CFAP46: variants seen among roughly 807,000 people sequenced by gnomAD.
CFAP46 encodes cilia- and flagella-associated protein 46.
In CFAP46, 245 loss-of-function variants were observed where a neutral mutation model predicts 325.7. The ratio of observed to expected loss-of-function variants is 0.75; its 90% CI spans 0.68 to 0.84. The LOEUF (loss-of-function observed/expected upper bound fraction) is 0.84, where lower values mean the gene tolerates loss of function less well. CFAP46 is among the 40% of genes least tolerant of loss of function. CFAP46 has a pLI of 0.00. For synonymous variants in CFAP46, 1,523 were observed against 1,495.9 expected (o/e 1.02, Z -0.42); for missense variants, 3,346 against 3,543.0 (o/e 0.94, Z 1.41).
At chr10:132,883,392 G>T (rs1326328581) in intron 27 of CFAP46, among the ~76,000 whole-genome samples, 2 of 152,208 alleles carry the variant, frequency 1.3e-5, no homozygotes, top group Non-Finnish European at 2.9e-5. Context: ...CATCATCAGT[G>T]GCTGGGAAAA....
chr10:132,920,640 C>T (rs997665623), intron 13 of CFAP46, among the ~76,000 whole-genome samples: 1 of 152,246 alleles, frequency 6.6e-6, no homozygotes, highest in Non-Finnish European at 1.5e-5. Context: ...CGGAACTCAG[C>T]TCCACACCCT....
rs1285144710 is a variant in CFAP46 at position 132,922,159 on chromosome 10, C to T, written c.1551G>A (p.Leu517=). The T allele has an allele frequency of 4.5e-6, 7 of 1,550,470 alleles. No individual in the cohort carries two copies. In the South Asian group the frequency reaches 8.3e-5, roughly 18 times the overall value. The change falls in exon 13 of 58, where the codon CTG becomes CTA. Residue 517 remains leucine (L), a synonymous_variant. Coordinates refer to ENST00000368586, the MANE Select transcript of CFAP46 (RefSeq NM_001200049.3). The part of the protein sequence containing the change: ...KKRALLVNAG[L]ALAPDAFQIV... ...TCTGAAACGCGTCAGGGGCTAAGGC[C>T]AGGCCTGCATTCACCAGGAGGGCCC...
chr10:132,919,500 T>C lies in CFAP46; in HGVS notation c.1731-58A>G. On this transcript the variant is annotated intron_variant, in intron 14 of 57. Transcript: ENST00000368586. This position sits in a 1 kb window ranked among gnomAD's most constrained non-coding sequence, Gnocchi z 9.7. ...GAGTAGACAAGTGTGGTTGCTGAAG[T>C]TAGAAAACACCTGGGCTGGCTGCCT... The C allele has an allele frequency of 6.6e-7, 1 of 1,504,420 alleles. No individual in the cohort carries two copies. Among genetic ancestry groups the C allele is most frequent in the Non-Finnish European group, 8.9e-7 (1 of 1,125,004 alleles). 93.2% of individuals were successfully genotyped at this position (1,504,420 alleles called of 1,614,324 possible). A position where few individuals can be genotyped will look rare whatever the true frequency, so the allele number is the denominator to read the frequency against.
chr10:132,898,809 C>T (rs1297660217), intron 24 of CFAP46, 150 bp downstream of exon 24: 4 of 1,108,690 alleles, frequency 3.6e-6, no homozygotes, highest in Non-Finnish European at 4.0e-6. Flanking sequence ...TGGAGACCCC[C>T]CTTAACCCCC....
rs1849644897 is a variant in CFAP46 at position 132,916,685 on chromosome 10, G to C, written c.1987-3C>G. 2.0e-6 allele frequency: 3 copies of C among 1,463,564 alleles called. No homozygotes were observed. The highest frequency in any genetic ancestry group is 1.8e-6 in the Non-Finnish European group (2 of 1,101,354). 90.7% of individuals were successfully genotyped at this position (1,463,564 alleles called of 1,614,324 possible). A position where few individuals can be genotyped will look rare whatever the true frequency, so the allele number is the denominator to read the frequency against. ...GACCGCAGCAAATGAACCGTGGCCTGCAAAACACACATGCGGTGGGAGGGG... is the reference window on the plus strand; with the variant it reads ...GACCGCAGCAAATGAACCGTGGCCTCCAAAACACACATGCGGTGGGAGGGG... On this transcript the variant is annotated splice_polypyrimidine_tract_variant and splice_region_variant and intron_variant, in intron 16 of 57. Coordinates refer to ENST00000368586, the MANE Select transcript of CFAP46 (RefSeq NM_001200049.3).
rs368506695 is a variant in CFAP46 at position 132,857,683 on chromosome 10, G to A, written c.5481C>T (p.His1827=). ...CCAGGCCATATAAGCCCTGGATGCT[G>A]TGAAGCCTCCCTTCTTCCTCAGCTA... ...GAVAEEEGRL[H]SIQGLYGLAQ... is the part of the protein sequence containing the mutation. The change falls in exon 39 of 58, where the codon CAC becomes CAT. Residue 1827 remains histidine, a synonymous_variant. Coordinates refer to ENST00000368586, the MANE Select transcript of CFAP46 (RefSeq NM_001200049.3). The A allele has an allele frequency of 1.2e-6, 2 of 1,613,712 alleles. No homozygotes were observed. Among genetic ancestry groups the A allele is most frequent in the Non-Finnish European group, 1.7e-6 (2 of 1,179,966 alleles).
intron 43 of CFAP46, 45 bp from the exon 44 acceptor site, chr10:132,846,272 C>A: frequency 6.3e-7 from 1 of 1,592,100 alleles, no homozygotes; most frequent in Non-Finnish European, 8.5e-7. Flanking sequence ...GAGGCCTGGG[C>A]GGGGAGGCCT....
intron 43 of CFAP46, 143 bp downstream of exon 43, chr10:132,846,788 CG>C: frequency 9.8e-7 from 1 of 1,016,796 alleles, no homozygotes; most frequent in Non-Finnish European, 1.4e-6. Context: ...TTTACGTGGC[CG>C]GCAGGCTCCC....
chr10:132,845,945 G>T, intron 44 of CFAP46, 112 bp downstream of exon 44: 2 of 1,212,984 alleles, frequency 1.6e-6, no homozygotes, highest in Non-Finnish European at 2.3e-6. Flanking sequence ...TGGCTCATGA[G>T]CTGGGGGGTG....
chr10:132,934,692 C>T, intron 8 of CFAP46, 60 bp downstream of exon 8: 1 of 1,143,488 alleles, frequency 8.7e-7, no homozygotes. Flanking sequence ...TTTTTCAGTG[C>T]CTGCTAAATT....
chr10:132,908,599 G>A lies in CFAP46; in HGVS notation c.2793C>T (p.Asp931=), dbSNP rs966972761. 6.5e-7 allele frequency: 1 copy of A among 1,547,724 alleles called. No homozygotes were observed. Among genetic ancestry groups the A allele is most frequent in the Non-Finnish European group, 8.7e-7 (1 of 1,145,264 alleles). ...TCAGGGTCTGCAGCTCCACCAGGGG[G>A]TCCGACCAGTTGCACTCGGAAGCCA... is the stretch of plus-strand genomic sequence containing the variant. The part of the protein sequence containing the change: ...VKMASECNWS[D]PLVELQTLTR... The change falls in exon 22 of 58, where the codon GAC becomes GAT. Residue 931 remains aspartate (D), a synonymous_variant. Coordinates refer to ENST00000368586, the MANE Select transcript of CFAP46 (RefSeq NM_001200049.3).
Position 132,851,869 on chromosome 10 carries a change from GGAATTCTCAGATCCTGATCC to G in CFAP46, c.5575-584_5575-565del, listed in dbSNP as rs1564778284. ...CGTGGTATGTTCCTCCATTTACTTA[GGAATTCTCAGATCCTGATCC>G]ACAGACGTGGTATGTTCCTCCATTT... is the stretch of plus-strand genomic sequence containing the variant. On this transcript the variant is annotated intron_variant, in intron 39 of 57. Transcript: ENST00000368586. Among the ~76,000 whole-genome samples the G allele has an allele frequency of 7.1e-3, 858 of 121,666 alleles. 5 individuals carry two copies. Among genetic ancestry groups the G allele is most frequent in the Non-Finnish European group, 0.011 (604 of 56,716 alleles). 79.8% of individuals were successfully genotyped at this position (121,666 alleles called of 152,430 possible).
At chr10:132,866,669 C>A (rs1591062931) in intron 34 of CFAP46, among the ~76,000 whole-genome samples, 1 of 152,172 alleles carries the variant, frequency 6.6e-6, no homozygotes, top group Non-Finnish European at 1.5e-5. Flanking sequence ...AGCCCCCGGC[C>A]TGGGGCGGTG....
At chr10:132,899,413 C>T in intron 23 of CFAP46, 122 bp downstream of exon 23, 1 of 1,363,372 alleles carries the variant, frequency 7.3e-7, no homozygotes, top group Non-Finnish European at 9.7e-7. Context: ...CACCGGCCAC[C>T]TCCCCTCGCC....
chr10:132,893,543 C>T (rs570862226), intron 24 of CFAP46, among the ~76,000 whole-genome samples: 106 of 152,192 alleles, frequency 7.0e-4, no homozygotes, highest in Non-Finnish European at 1.4e-3. Context: ...CTTTTTTCTT[C>T]CTTTCTACCC....
Position 132,922,707 on chromosome 10 carries a change from G to A in CFAP46, c.1258C>T (p.Leu420Phe). Residue 420 changes from leucine to phenylalanine, a missense_variant and splice_region_variant, in exon 12 of 58, where the codon CTC (leucine) becomes TTC (phenylalanine). Transcript: ENST00000368586. ...VADVLEKLDS[L>F]MTLLRCQVHM... ...ACTTGACAGCGGAGAAGCGTCATGA[G>A]GCTGCGGGGGTGGCGTGGCATCAGG... 6.5e-7 allele frequency: 1 copy of A among 1,544,370 alleles called. No individual in the cohort carries two copies. Among genetic ancestry groups the A allele is most frequent in the South Asian group, 1.2e-5 (1 of 83,956 alleles).
rs146104050 is a variant in CFAP46, at chr10:132,876,344, A to C, written c.4362+468T>G. On this transcript the variant is annotated intron_variant, in intron 31 of 57. Transcript: ENST00000368586. This position sits in a 1 kb window ranked among gnomAD's most constrained non-coding sequence, Gnocchi z 4.1. Reference sequence around the variant, plus strand: ...CCCTAAATGCAATTCTGTGGGAGGGAGCGGGAGATTTGATCCACACAAAAG... The same window carrying C: ...CCCTAAATGCAATTCTGTGGGAGGGCGCGGGAGATTTGATCCACACAAAAG... Among the ~76,000 whole-genome samples the C allele has an allele frequency of 7.9e-5, 12 of 152,180 alleles. No homozygotes were observed. In the East Asian group the frequency reaches 2.3e-3, roughly 29 times the overall value.
Position 132,808,394 on chromosome 10 carries a change from G to A in CFAP46, c.*27C>T. The stretch of plus-strand genomic sequence containing the variant: ...TCACGGAAACCACTCACAGAGACTG[G>A]CTTTTGTTGTTTGTTTAGTGGAACA... On this transcript the variant is annotated 3_prime_UTR_variant, in exon 58 of 58. Coordinates refer to ENST00000368586, the MANE Select transcript of CFAP46 (RefSeq NM_001200049.3). The surrounding 1 kb of genome is among the most constrained non-coding windows in gnomAD (Gnocchi z 6.8). The A allele has an allele frequency of 6.3e-7, 1 of 1,583,526 alleles. No homozygotes were observed.
Position 132,810,472 on chromosome 10 carries a change from T to C in CFAP46, c.7601A>G (p.Glu2534Gly). Residue 2534 changes from glutamate (E) to glycine (G), a missense_variant, in exon 57 of 58, where the codon GAA becomes GGA. Transcript: ENST00000368586. ...VEHRRSVGRW[E>G]ANWRNSASPS... is the part of the protein sequence containing the mutation. The stretch of plus-strand genomic sequence containing the variant: ...AGACGCACTGTTTCTCCAATTGGCT[T>C]CCCAACGGCCAACAGATCTAGGGGA... 1 of 1,613,590 alleles carries C rather than the reference T, an allele frequency of 6.2e-7. No individual in the cohort carries two copies. The highest frequency in any genetic ancestry group is 8.5e-7 in the Non-Finnish European group (1 of 1,179,934).
Sources: allele counts gnomAD v4.1 joint callset (sites outside exome capture counted in the v4.1 genomes callset), GRCh38; gene constraint gnomAD v4.1.1; non-coding constraint Gnocchi (gnomAD v3.1); transcripts MANE v1.5; gene names NCBI Gene and HGNC (gene_info 2026-07-23, HGNC 2026-07-21).